Variants in NEMF observed in about 807,000 individuals in gnomAD.
The protein encoded by NEMF is nuclear export mediator factor, also known as ribosome quality control complex subunit NEMF.
A neutral mutation model predicts 162.2 loss-of-function variants in NEMF; 89 were observed. The ratio of observed to expected loss-of-function variants is 0.55; its 90% CI spans 0.46 to 0.65. The LOEUF (loss-of-function observed/expected upper bound fraction) is 0.65. NEMF is among the 30% of genes least tolerant of loss of function. The pLI, the probability that NEMF is intolerant of heterozygous loss-of-function variation, is 0.00. For missense variants in NEMF, 1,133 were observed against 1,261.9 expected, an observed-to-expected ratio of 0.90 and a Z score of 1.55; for synonymous variants, 421 against 404.5, an observed-to-expected ratio of 1.04 and a Z score of -0.49.
chr14:49,782,861 G>C lies in NEMF; in HGVS notation c.*1775C>G. ...CTTAGAAGCAGTCATTTGCTTTAAA[G>C]AAATGTTAGCCAACTCATGGAACTG... is the stretch of plus-strand genomic sequence containing the variant. On this transcript the variant is annotated 3_prime_UTR_variant, in exon 33 of 33. Transcript: ENST00000298310. The C allele has an allele frequency of 6.2e-7, 1 of 1,613,768 alleles. No individual in the cohort carries two copies. The highest frequency in any genetic ancestry group is 8.5e-7 in the Non-Finnish European group (1 of 1,179,830).
Position 49,802,895 on chromosome 14 carries a change from G to A in NEMF, c.1916-168C>T, listed in dbSNP as rs547391450. Among the ~76,000 whole-genome samples the A allele has an allele frequency of 3.3e-5, 5 of 152,194 alleles. No individual in the cohort carries two copies. The East Asian group carries it at 9.6e-4, about 29-fold the overall frequency. On this transcript the variant is annotated intron_variant, in intron 20 of 32. Coordinates refer to ENST00000298310, the MANE Select transcript of NEMF (RefSeq NM_004713.6). ...TTATAGAACTGGGCAGTATGTATAGGAACAGTTATTAAGAAGTAAAAAATA... is the reference window on the plus strand; with the variant it reads ...TTATAGAACTGGGCAGTATGTATAGAAACAGTTATTAAGAAGTAAAAAATA...
intron 20 of NEMF, 76 bp downstream of exon 20, chr14:49,803,161 T>C: frequency 9.5e-7 from 1 of 1,052,882 alleles, no homozygotes; most frequent in Non-Finnish European, 1.4e-6. Flanking sequence ...GTTCTAAGAG[T>C]ATTTGTAAAC....
chr14:49,805,186 T>A (rs1175371181), intron 19 of NEMF, among the ~76,000 whole-genome samples: 1 of 152,136 alleles, frequency 6.6e-6, no homozygotes, highest in Non-Finnish European at 1.5e-5. Flanking sequence ...GCACAGCATA[T>A]AATATAAAAA....
rs567343533 is a variant in NEMF at position 49,830,661 on chromosome 14, C to T, written c.945+638G>A. On this transcript the variant is annotated intron_variant, in intron 11 of 32. Transcript: ENST00000298310. ...CGGCCTCCCAAAGTGCTGGGATTTACAGGCGTGCGCCACCGCGCCCAGCCT... is the reference window on the plus strand; with the variant it reads ...CGGCCTCCCAAAGTGCTGGGATTTATAGGCGTGCGCCACCGCGCCCAGCCT... Among the ~76,000 whole-genome samples the T allele has an allele frequency of 2.9e-3, 445 of 152,384 alleles. 2 individuals are homozygous for T. Among genetic ancestry groups the T allele is most frequent in the Non-Finnish European group, 4.8e-3 (326 of 68,042 alleles).
At position 49,783,499 on chromosome 14, in the gene NEMF, A is replaced by C. The variant is rs1043032137; in HGVS notation, c.*1137T>G. ...GGGGCTGGAGCAAGTGGTCATGCTG[A>C]ATACAGGCAGGTGCTGTCCAGTCAA... On this transcript the variant is annotated 3_prime_UTR_variant, in exon 33 of 33. Transcript: ENST00000298310. The C allele has an allele frequency of 6.6e-6, 1 of 151,614 alleles. No individual in the cohort carries two copies. Among genetic ancestry groups the C allele is most frequent in the African/African-American group, 2.4e-5 (1 of 40,890 alleles). The allele number at this position is 151,614 out of a possible 1,614,324, so 9.4% of individuals were successfully genotyped here.
rs1890013083 is a variant in NEMF at position 49,783,492 on chromosome 14, C to A, written c.*1144G>T. The A allele has an allele frequency of 6.6e-6, 1 of 151,484 alleles. No individual in the cohort carries two copies. The highest frequency in any genetic ancestry group is 2.1e-4 in the South Asian group (1 of 4,808). 9.4% of individuals were successfully genotyped at this position (151,484 alleles called of 1,614,324 possible). A position where few individuals can be genotyped will look rare whatever the true frequency, so the allele number is the denominator to read the frequency against. ...CAGTGTAGGGGCTGGAGCAAGTGGT[C>A]ATGCTGAATACAGGCAGGTGCTGTC... On this transcript the variant is annotated 3_prime_UTR_variant, in exon 33 of 33. Coordinates refer to ENST00000298310, the MANE Select transcript of NEMF (RefSeq NM_004713.6).
chr14:49,803,450 T>C (rs1891043351), intron 19 of NEMF, among the ~76,000 whole-genome samples, 156 bp from the exon 20 acceptor site: 1 of 151,946 alleles, frequency 6.6e-6, no homozygotes, highest in South Asian at 2.1e-4. Context: ...AAGGGAAAGA[T>C]ACCCCTTTAA....
intron 26 of NEMF, 140 bp downstream of exon 26, chr14:49,795,651 C>T: frequency 1.4e-6 from 1 of 692,452 alleles, no homozygotes; most frequent in Non-Finnish European, 2.4e-6. Flanking sequence ...AATGCTGTAT[C>T]TACTCAACTA....
At chr14:49,831,441 T>A (rs1033967879) in intron 10 of NEMF, 80 bp from the exon 11 acceptor site, 90 of 894,190 alleles carry the variant, frequency 1.0e-4, no homozygotes, top group Admixed American at 2.0e-4. Flanking sequence ...TTTTATTTTT[T>A]TTTTCTTTTT....
At chr14:49,823,741 C>A (rs1353135764) in intron 16 of NEMF, among the ~76,000 whole-genome samples, 1 of 152,098 alleles carries the variant, frequency 6.6e-6, no homozygotes, top group Non-Finnish European at 1.5e-5. Context: ...AAACAGCCCA[C>A]AAAGTATCCA....
chr14:49,810,410 G>A (rs2139890722), intron 18 of NEMF, among the ~76,000 whole-genome samples: 1 of 151,956 alleles, frequency 6.6e-6, no homozygotes, highest in African/African-American at 2.4e-5. Flanking sequence ...AAAAGAAAGA[G>A]GAAATTCTAT....
chr14:49,804,732 T>C (rs1394138005), intron 19 of NEMF, among the ~76,000 whole-genome samples: 1 of 151,970 alleles, frequency 6.6e-6, no homozygotes, highest in Non-Finnish European at 1.5e-5. Context: ...TTAGTCATAG[T>C]TATTAAAATA....
intron 4 of NEMF, among the ~76,000 whole-genome samples, chr14:49,841,926 A>G (rs543686094): frequency 6.6e-6 from 1 of 152,040 alleles, no homozygotes; most frequent in Non-Finnish European, 1.5e-5. Flanking sequence ...ACCAACATGG[A>G]GAAACCCCGT....
chr14:49,848,071 T>C (rs1042026848), intron 3 of NEMF, among the ~76,000 whole-genome samples: 14 of 151,136 alleles, frequency 9.3e-5, no homozygotes, highest in Non-Finnish European at 1.2e-4. Flanking sequence ...AGTCTCTCTG[T>C]TGCCCAGGCA....
intron 16 of NEMF, among the ~76,000 whole-genome samples, chr14:49,818,815 A>G (rs1252657186): frequency 2.0e-5 from 3 of 151,662 alleles, no homozygotes; most frequent in Admixed American, 2.0e-4. Context: ...TCACCTTACA[A>G]GCAGGAGAAA....
chr14:49,800,132 T>A (rs573384922), intron 23 of NEMF, among the ~76,000 whole-genome samples: 1 of 152,192 alleles, frequency 6.6e-6, no homozygotes, highest in Non-Finnish European at 1.5e-5. Context: ...AAACATTATA[T>A]AGACTAAAAC....
At position 49,846,204 on chromosome 14, in the gene NEMF, A is replaced by G. The variant is rs1357713324; in HGVS notation, c.293T>C (p.Ile98Thr). The change falls in exon 4 of 33, where the codon ATT (isoleucine) becomes ACT (threonine). Residue 98 changes from isoleucine to threonine, a missense_variant. Ile to Thr is a moderately conservative substitution (Grantham distance 89). Coordinates refer to ENST00000298310, the MANE Select transcript of NEMF (RefSeq NM_004713.6). ...VSAKQLGVDR[I>T]VDFQFGSDEA... ...ATCACTTCCAAATTGAAAATCTACAATTCTATCCACACCAAGCTGTTTTGC... is the reference window on the plus strand; with the variant it reads ...ATCACTTCCAAATTGAAAATCTACAGTTCTATCCACACCAAGCTGTTTTGC... 1.9e-6 allele frequency: 3 copies of G among 1,613,814 alleles called. No homozygotes were observed. Among genetic ancestry groups the G allele is most frequent in the South Asian group, 1.1e-5 (1 of 91,068 alleles).
chr14:49,831,239 A>G lies in NEMF; in HGVS notation c.945+60T>C, dbSNP rs564644340. 4.4e-6 allele frequency: 4 copies of G among 900,100 alleles called. No individual in the cohort carries two copies. The East Asian group carries it at 7.2e-5, about 16-fold the overall frequency. The allele number at this position is 900,100 out of a possible 1,614,324, so 55.8% of individuals were successfully genotyped here. Reference sequence around the variant, plus strand: ...CTGAAAGGCTACCCTTTCCTATATCATCTACCCATCAAGCCGCTAAAGACT... The same window carrying G: ...CTGAAAGGCTACCCTTTCCTATATCGTCTACCCATCAAGCCGCTAAAGACT... On this transcript the variant is annotated intron_variant, in intron 11 of 32. Transcript: ENST00000298310.
At chr14:49,787,848 G>A (rs914787294) in intron 28 of NEMF, among the ~76,000 whole-genome samples, 5 of 152,078 alleles carry the variant, frequency 3.3e-5, no homozygotes, top group Non-Finnish European at 1.5e-5. Flanking sequence ...GGAAAAAAAA[G>A]AAAATAGTAA....
Sources: allele counts gnomAD v4.1 joint callset (sites outside exome capture counted in the v4.1 genomes callset), GRCh38; gene constraint gnomAD v4.1.1; transcripts MANE v1.5; gene names NCBI Gene and HGNC (gene_info 2026-07-23, HGNC 2026-07-21).